EEFSEC: variants seen among roughly 807,000 people sequenced by gnomAD.
EEFSEC encodes eukaryotic elongation factor, selenocysteine-tRNA specific.
In EEFSEC, 43 loss-of-function variants were observed where a neutral mutation model predicts 42.1. The observed-to-expected ratio is 1.02, with a 90% CI of 0.80 to 1.32. The LOEUF (loss-of-function observed/expected upper bound fraction) is 1.32. EEFSEC is among the 40% of genes most tolerant of loss of function. The probability of loss-of-function intolerance (pLI) is 0.00; values close to 1 mark genes in which losing one functional copy is unlikely to be tolerated. For missense variants in EEFSEC, 745 were observed against 803.6 expected (o/e 0.93, Z 0.88); for synonymous variants, 354 against 339.1 (o/e 1.04, Z -0.48).
At chr3:128,180,230 A>C (rs895650922) in intron 1 of EEFSEC, among the ~76,000 whole-genome samples, 6 of 152,336 alleles carry the variant, frequency 3.9e-5, no homozygotes, top group African/African-American at 1.4e-4. Context: ...ACTTAAGACA[A>C]AACTACGAAG....
At chr3:128,274,514 C>T (rs1022661142) in intron 4 of EEFSEC, among the ~76,000 whole-genome samples, 1 of 152,140 alleles carries the variant, frequency 6.6e-6, no homozygotes, top group African/African-American at 2.4e-5. Context: ...CTGGACATCC[C>T]CTGTAGAAGC....
the EEFSEC span, among the ~76,000 whole-genome samples, chr3:128,419,256 A>AG: frequency 6.6e-6 from 1 of 151,376 alleles, no homozygotes; most frequent in Admixed American, 6.6e-5. Flanking sequence ...CTGAAACAGG[A>AG]GAAAAAAAAT....
At chr3:128,199,787 G>A (rs1177434494) in intron 1 of EEFSEC, among the ~76,000 whole-genome samples, 1 of 151,962 alleles carries the variant, frequency 6.6e-6, no homozygotes, top group Non-Finnish European at 1.5e-5. Flanking sequence ...AGGCTGGAGT[G>A]CAGTGGCAAG....
intron 6 of EEFSEC, among the ~76,000 whole-genome samples, chr3:128,364,374 G>T (rs2067563346): frequency 6.6e-6 from 1 of 152,192 alleles, no homozygotes; most frequent in East Asian, 1.9e-4. Context: ...GAGGGCCAGA[G>T]CAAGCTTCCT....
intron 1 of EEFSEC, among the ~76,000 whole-genome samples, chr3:128,208,218 GT>G (rs762818328): frequency 1.3e-5 from 2 of 152,216 alleles, no homozygotes; most frequent in Non-Finnish European, 2.9e-5. Flanking sequence ...GTGGCGGATG[GT>G]TGGACGGGAA....
chr3:128,404,374 C>A (rs186776510), intron 6 of EEFSEC, among the ~76,000 whole-genome samples: 1 of 152,210 alleles, frequency 6.6e-6, no homozygotes, highest in Admixed American at 6.5e-5. Context: ...CTGCCTGCTC[C>A]GGGCAGTGCG....
At chr3:128,265,728 T>G (rs1454253414) in intron 4 of EEFSEC, among the ~76,000 whole-genome samples, 1 of 152,210 alleles carries the variant, frequency 6.6e-6, no homozygotes, top group African/African-American at 2.4e-5. Context: ...ACCTGGAGGC[T>G]GTATTGAGGC....
chr3:128,270,028 A>G (rs2066397932), intron 4 of EEFSEC, among the ~76,000 whole-genome samples: 1 of 152,228 alleles, frequency 6.6e-6, no homozygotes, highest in African/African-American at 2.4e-5. Flanking sequence ...CAGGCAAGTC[A>G]GTCAACCTCT....
chr3:128,271,038 A>G (rs531175157), intron 4 of EEFSEC, among the ~76,000 whole-genome samples: 58 of 152,360 alleles, frequency 3.8e-4, no homozygotes, highest in African/African-American at 1.4e-3. Flanking sequence ...AATAAAGGAA[A>G]TAAACAAGTT....
intron 1 of EEFSEC, among the ~76,000 whole-genome samples, chr3:128,193,775 C>A (rs2065551583): frequency 6.6e-6 from 1 of 152,144 alleles, no homozygotes; most frequent in Non-Finnish European, 1.5e-5. Flanking sequence ...TTGTACAACT[C>A]CAAAGCCATT....
At chr3:128,255,856 G>A (rs931313877) in intron 2 of EEFSEC, among the ~76,000 whole-genome samples, 5 of 152,126 alleles carry the variant, frequency 3.3e-5, no homozygotes, top group African/African-American at 7.2e-5. Flanking sequence ...GAGCGGGGCC[G>A]GGGCTGGGGT....
chr3:128,233,561 T>A (rs2065979735), intron 1 of EEFSEC, among the ~76,000 whole-genome samples: 1 of 152,240 alleles, frequency 6.6e-6, no homozygotes, highest in South Asian at 2.1e-4. Context: ...GGAAGTTCTC[T>A]TACAGATCTA....
chr3:128,328,397 G>C (rs1458523630), intron 4 of EEFSEC, among the ~76,000 whole-genome samples: 1 of 152,180 alleles, frequency 6.6e-6, no homozygotes, highest in African/African-American at 2.4e-5. Context: ...ATGCAGGTAG[G>C]CAAGGTCCAG....
downstream of EEFSEC, among the ~76,000 whole-genome samples, chr3:128,409,362 G>T (rs1051639546): frequency 9.8e-6 from 1 of 101,642 alleles, no homozygotes; most frequent in Admixed American, 9.9e-5. Context: ...CCCCAGAGCC[G>T]TGTGTGTGTG....
chr3:128,408,381 C>A lies in EEFSEC; in HGVS notation c.*122C>A. 1 of 1,114,702 alleles carries A rather than the reference C, an allele frequency of 9.0e-7. No homozygotes were observed. The allele number at this position is 1,114,702 out of a possible 1,614,324, so 69.1% of individuals were successfully genotyped here. On this transcript the variant is annotated 3_prime_UTR_variant, in exon 7 of 7. Transcript: ENST00000254730. ...CCCTGCAGTCCTGCAGCAGCAGCCC[C>A]CACCCCCAAGCTTGGTGCTGAGCCC... is the stretch of plus-strand genomic sequence containing the variant.
chr3:128,230,384 G>A (rs2065948325), intron 1 of EEFSEC, among the ~76,000 whole-genome samples: 1 of 152,122 alleles, frequency 6.6e-6, no homozygotes, highest in Non-Finnish European at 1.5e-5. Flanking sequence ...CAAACTCTTG[G>A]CCTCAAGCCA....
chr3:128,356,170 T>C (rs2067451051), intron 5 of EEFSEC, among the ~76,000 whole-genome samples: 2 of 152,240 alleles, frequency 1.3e-5, no homozygotes, highest in African/African-American at 2.4e-5. Flanking sequence ...AGAATATTAA[T>C]ATCAGCTTGT....
intron 1 of EEFSEC, among the ~76,000 whole-genome samples, chr3:128,166,132 G>A (rs567308394): frequency 9.8e-5 from 15 of 152,288 alleles, no homozygotes; most frequent in Admixed American, 5.2e-4. Context: ...CCATTTCTTC[G>A]GCACTTGCTG....
intron 4 of EEFSEC, among the ~76,000 whole-genome samples, chr3:128,311,645 A>C (rs1008474365): frequency 3.3e-5 from 5 of 152,008 alleles, no homozygotes; most frequent in African/African-American, 1.2e-4. Context: ...CTTCGGTAGC[A>C]CTCTTTCTTT....
Sources: allele counts gnomAD v4.1 joint callset (sites outside exome capture counted in the v4.1 genomes callset), GRCh38; gene constraint gnomAD v4.1.1; transcripts MANE v1.5; gene names NCBI Gene and HGNC (gene_info 2026-07-23, HGNC 2026-07-21).